The following RERE variants were observed in gnomAD, a reference collection of about 807,000 sequenced individuals.
The protein encoded by RERE is arginine-glutamic acid dipeptide repeats protein.
RERE carries 40 observed loss-of-function variants against 146.1 expected under a neutral mutation model. The ratio of observed to expected loss-of-function variants is 0.27; its 90% CI spans 0.21 to 0.36. RERE has a LOEUF of 0.36. RERE is among the 10% of genes least tolerant of loss of function. The pLI, the probability that RERE is intolerant of heterozygous loss-of-function variation, is 1.00. For missense variants in RERE, 1,933 were observed against 2,138.7 expected, an observed-to-expected ratio of 0.90 and a Z score of 1.90; for synonymous variants, 1,003 against 866.0, an observed-to-expected ratio of 1.16 and a Z score of -2.78.
chr1:8,665,502 A>G (rs774608582), intron 1 of RERE, among the ~76,000 whole-genome samples: 1 of 152,224 alleles, frequency 6.6e-6, no homozygotes, highest in Non-Finnish European at 1.5e-5. Flanking sequence ...GGGGAAAGAA[A>G]ATATTTCATG....
Position 8,472,854 on chromosome 1 carries a change from C to CT in RERE, c.1105-6832dup, listed in dbSNP as rs201311211. Among the ~76,000 whole-genome samples, 1,397 of 141,936 alleles carry CT rather than the reference C, an allele frequency of 9.8e-3. 12 individuals are homozygous for CT. Among genetic ancestry groups the CT allele is most frequent in the African/African-American group, 0.023 (893 of 38,998 alleles). 93.1% of individuals were successfully genotyped at this position (141,936 alleles called of 152,430 possible). On this transcript the variant is annotated intron_variant, in intron 10 of 22. Transcript: ENST00000400908. ...TCACCACAGGTGTGTGGCAGTGGTG[C>CT]TTTTTTTTTTTTTTCTAAATCCAAT... is the stretch of plus-strand genomic sequence containing the variant.
intron 4 of RERE, among the ~76,000 whole-genome samples, chr1:8,582,233 T>C (rs1351957548): frequency 2.0e-5 from 3 of 152,122 alleles, no homozygotes; most frequent in African/African-American, 7.2e-5. Flanking sequence ...TCTTGCTGTG[T>C]TACCCAGGCT....
intron 1 of RERE, among the ~76,000 whole-genome samples, chr1:8,658,063 A>C (rs1431862239): frequency 1.3e-5 from 2 of 152,198 alleles, no homozygotes; most frequent in Admixed American, 6.5e-5. Flanking sequence ...ACTCCAAGCT[A>C]ACACAGTTCT....
At chr1:8,613,929 T>C (rs1319462192) in intron 4 of RERE, among the ~76,000 whole-genome samples, 2 of 152,182 alleles carry the variant, frequency 1.3e-5, no homozygotes, top group Non-Finnish European at 2.9e-5. Flanking sequence ...ATCACCCACA[T>C]GGGTCCCTGT....
At chr1:8,788,828 C>A (rs1300288854) in intron 1 of RERE, among the ~76,000 whole-genome samples, 2 of 151,766 alleles carry the variant, frequency 1.3e-5, no homozygotes, top group Admixed American at 1.3e-4. Context: ...TCAGAGCACA[C>A]AGGGTAGCAA....
At chr1:8,427,553 CTGG>C (rs1644031750) in intron 11 of RERE, among the ~76,000 whole-genome samples, 1 of 148,830 alleles carries the variant, frequency 6.7e-6, no homozygotes, top group African/African-American at 2.5e-5. Context: ...AATTTGACAT[CTGG>C]TGGTGAACAC....
intron 1 of RERE, among the ~76,000 whole-genome samples, chr1:8,748,120 T>TA (rs1381653862): frequency 4.6e-5 from 7 of 152,172 alleles, no homozygotes; most frequent in Non-Finnish European, 1.0e-4. Context: ...CAACTACACA[T>TA]AATTTCGTCT....
chr1:8,604,238 T>G (rs1004269036), intron 4 of RERE, among the ~76,000 whole-genome samples: 2 of 152,202 alleles, frequency 1.3e-5, no homozygotes, highest in Non-Finnish European at 2.9e-5. Context: ...ATACTATGAT[T>G]TTAACAGTAA....
intron 10 of RERE, among the ~76,000 whole-genome samples, chr1:8,485,826 G>T: frequency 7.2e-6 from 1 of 138,482 alleles, no homozygotes; most frequent in Non-Finnish European, 1.5e-5. Flanking sequence ...TGGAGATGGA[G>T]TCTCGCTCTA....
In RERE at chr1:8,422,760, T is replaced by C. The variant is rs1264694634; in HGVS notation, c.1251A>G (p.Arg417=). Residue 417 remains arginine (R), a synonymous_variant, in exon 12 of 23, where the codon AGA becomes AGG. Coordinates refer to ENST00000400908, the MANE Select transcript of RERE (RefSeq NM_001042681.2). The part of the protein sequence containing the change: ...GLRQYGKNFF[R]IRKELLPNKE... ...TATTGGGAAGCAGCTCCTTTCTAAT[T>C]CTGAAGAAGTTCTTCCCGTACTGCC... The C allele has an allele frequency of 7.4e-6, 12 of 1,614,000 alleles. No homozygotes were observed. Among genetic ancestry groups the C allele is most frequent in the Non-Finnish European group, 6.8e-6 (8 of 1,179,888 alleles).
chr1:8,365,210 G>A (rs887836859), intron 13 of RERE, among the ~76,000 whole-genome samples: 7 of 152,144 alleles, frequency 4.6e-5, no homozygotes, highest in Non-Finnish European at 7.3e-5. Context: ...CCCCCAACCC[G>A]TCCTGCTAGG....
At chr1:8,438,848 T>G (rs1644206671) in intron 11 of RERE, among the ~76,000 whole-genome samples, 2 of 152,258 alleles carry the variant, frequency 1.3e-5, no homozygotes, top group African/African-American at 4.8e-5. Flanking sequence ...GGATAGATGA[T>G]AAGCTCATTA....
At chr1:8,649,567 T>C (rs1647499636) in intron 2 of RERE, among the ~76,000 whole-genome samples, 1 of 151,794 alleles carries the variant, frequency 6.6e-6, no homozygotes, top group South Asian at 2.1e-4. Flanking sequence ...CTGACTCTAC[T>C]AAAAACACAA....
chr1:8,372,945 G>C (rs1642097736), intron 12 of RERE, among the ~76,000 whole-genome samples: 1 of 152,168 alleles, frequency 6.6e-6, no homozygotes, highest in Non-Finnish European at 1.5e-5. Context: ...GGAGAGAAGG[G>C]GGATGAGGAG....
chr1:8,600,327 C>T (rs972175931), intron 4 of RERE, among the ~76,000 whole-genome samples: 4 of 152,206 alleles, frequency 2.6e-5, no homozygotes, highest in Admixed American at 2.6e-4. Context: ...TCAAGTCCTA[C>T]AGATTAAACA....
At chr1:8,774,551 C>T (rs555927188) in intron 1 of RERE, among the ~76,000 whole-genome samples, 3 of 151,794 alleles carry the variant, frequency 2.0e-5, no homozygotes, top group East Asian at 3.9e-4. Flanking sequence ...CAGGGTTTCT[C>T]CATGTTGTGT....
At chr1:8,357,498 T>C (rs1641342326) in intron 20 of RERE, among the ~76,000 whole-genome samples, 1 of 152,176 alleles carries the variant, frequency 6.6e-6, no homozygotes, top group African/African-American at 2.4e-5. Flanking sequence ...GCCCTGCACG[T>C]AGGCTGTCCC....
intron 12 of RERE, among the ~76,000 whole-genome samples, chr1:8,415,713 C>G (rs1643740613): frequency 6.6e-6 from 1 of 152,254 alleles, no homozygotes; most frequent in African/African-American, 2.4e-5. Flanking sequence ...ATAGATTACC[C>G]TCACGAAAAC....
At chr1:8,472,246 A>G (rs1171995848) in intron 10 of RERE, among the ~76,000 whole-genome samples, 1 of 152,268 alleles carries the variant, frequency 6.6e-6, no homozygotes, top group African/African-American at 2.4e-5. Context: ...AAAAATTGCC[A>G]TTAGAAACAT....
Sources: gnomAD v4.1 joint callset for allele counts (sites outside exome capture counted in the v4.1 genomes callset) on GRCh38, gnomAD v4.1.1 for gene constraint, MANE v1.5 for transcripts, NCBI Gene and HGNC (gene_info 2026-07-23, HGNC 2026-07-21) for gene names.